PARVB: variants seen among roughly 807,000 people sequenced by gnomAD.
PARVB encodes the protein parvin beta.
A neutral mutation model predicts 47.0 loss-of-function variants in PARVB; 46 were observed. The ratio of observed to expected loss-of-function variants is 0.98; its 90% CI spans 0.77 to 1.25. The LOEUF (loss-of-function observed/expected upper bound fraction) is 1.25, where lower values mean the gene tolerates loss of function less well. Ranked by LOEUF, PARVB falls within the 50% of genes most tolerant of loss-of-function variation. The pLI, the probability that PARVB is intolerant of heterozygous loss-of-function variation, is 0.00. For missense variants in PARVB, 473 were observed against 471.6 expected, an observed-to-expected ratio of 1.00 and a Z score of -0.03; for synonymous variants, 196 against 196.3, an observed-to-expected ratio of 1.00 and a Z score of 0.01.
chr22:44,121,615 T>G (rs565231719), intron 4 of PARVB, among the ~76,000 whole-genome samples: 4 of 152,102 alleles, frequency 2.6e-5, no homozygotes, highest in Admixed American at 6.5e-5. Flanking sequence ...GATGAATTAT[T>G]TTATGTTCAA....
intron 7 of PARVB, among the ~76,000 whole-genome samples, chr22:44,138,733 G>T (rs1302500236): frequency 6.6e-6 from 1 of 152,154 alleles, no homozygotes; most frequent in Non-Finnish European, 1.5e-5. Flanking sequence ...GGAGTGCTTG[G>T]CTTCCTGTTA....
chr22:44,066,511 A>C (rs1257415066), intron 1 of PARVB, among the ~76,000 whole-genome samples: 1 of 152,106 alleles, frequency 6.6e-6, no homozygotes, highest in East Asian at 1.9e-4. Context: ...CTTTTCTCCC[A>C]CTTTGATAGC....
chr22:44,068,613 C>T lies in PARVB; in HGVS notation c.113-25315C>T, dbSNP rs749181461. Reference sequence around the variant, plus strand: ...GTGTTCCATGTGTTAGCATTTGGTCCTCCTGACGTAGTCGGCACACGGGAG... The same window carrying T: ...GTGTTCCATGTGTTAGCATTTGGTCTTCCTGACGTAGTCGGCACACGGGAG... On this transcript the variant is annotated intron_variant, in intron 1 of 12. Coordinates refer to ENST00000338758, the MANE Select transcript of PARVB (RefSeq NM_013327.5). The surrounding 1 kb of genome is among the most constrained non-coding windows in gnomAD (Gnocchi z 4.1). Among the ~76,000 whole-genome samples the T allele has an allele frequency of 5.3e-5, 8 of 152,222 alleles. No homozygotes were observed. Among genetic ancestry groups the T allele is most frequent in the Non-Finnish European group, 8.8e-5 (6 of 68,034 alleles).
Position 44,024,441 on chromosome 22 carries a change from G to GGCGCGCGAGGGTGAGT in PARVB, c.109_112+12dup. 1 of 1,191,268 alleles carries GGCGCGCGAGGGTGAGT rather than the reference G, an allele frequency of 8.4e-7. No individual in the cohort carries two copies. The highest frequency in any genetic ancestry group is 1.0e-6 in the Non-Finnish European group (1 of 956,254). 73.8% of individuals were successfully genotyped at this position (1,191,268 alleles called of 1,614,324 possible). A position where few individuals can be genotyped will look rare whatever the true frequency, so the allele number is the denominator to read the frequency against. On this transcript the variant is annotated frameshift_variant, in exon 1 of 13. Transcript: ENST00000338758. LOFTEE classifies it high-confidence loss of function. The stretch of plus-strand genomic sequence containing the variant: ...GCGGCACCCTGGCCAGGAAGCGGAG[G>GGCGCGCGAGGGTGAGT]GCGCGCGAGGGTGAGTGCGCGCCCG...
intron 7 of PARVB, among the ~76,000 whole-genome samples, chr22:44,138,259 G>A (rs561121883): frequency 1.3e-5 from 2 of 152,312 alleles, no homozygotes; most frequent in South Asian, 4.1e-4. Flanking sequence ...GGGGCTTGTG[G>A]GAAGTGCCTC....
In PARVB at chr22:44,062,304, C is replaced by T. The variant is rs143768535; in HGVS notation, c.113-31624C>T. Among the ~76,000 whole-genome samples the T allele has an allele frequency of 2.4e-4, 36 of 152,206 alleles. No homozygotes were observed. The East Asian group carries it at 6.2e-3, about 26-fold the overall frequency. On this transcript the variant is annotated intron_variant, in intron 1 of 12. Transcript: ENST00000338758. ...ACTGCACCCCAAATCAGGGTCCCCACGACTGCTTCCTCGGTTTTGATTAAT... is the reference window on the plus strand; with the variant it reads ...ACTGCACCCCAAATCAGGGTCCCCATGACTGCTTCCTCGGTTTTGATTAAT...
chr22:44,112,067 G>A (rs895032024), intron 3 of PARVB: 2 of 152,154 alleles, frequency 1.3e-5, no homozygotes, highest in African/African-American at 4.8e-5. Context: ...GACCAAAAAG[G>A]GTAGTTAGGA....
chr22:44,090,060 A>G (rs2052128199), intron 1 of PARVB, among the ~76,000 whole-genome samples: 5 of 152,158 alleles, frequency 3.3e-5, no homozygotes, highest in Admixed American at 3.3e-4. Flanking sequence ...TGCAGGGAGT[A>G]GTTTGTGGGC....
At chr22:44,132,327 G>A (rs1000625657) in intron 5 of PARVB, among the ~76,000 whole-genome samples, 4 of 152,188 alleles carry the variant, frequency 2.6e-5, no homozygotes, top group African/African-American at 7.2e-5. Flanking sequence ...GTGGGGAATC[G>A]GGTGCCTTGT....
At chr22:44,066,516 G>C (rs1209259709) in intron 1 of PARVB, among the ~76,000 whole-genome samples, 1 of 152,150 alleles carries the variant, frequency 6.6e-6, no homozygotes, top group African/African-American at 2.4e-5. Flanking sequence ...CTCCCACTTT[G>C]ATAGCTTGAA....
chr22:44,003,934 G>A lies in PARVB; in HGVS notation c.211+4261G>A, dbSNP rs551321780. On this transcript the variant is annotated intron_variant, in intron 2 of 13. Coordinates refer to the PARVB transcript ENST00000406477. ...TTCCAAATGACCTGTAGTTGCCGCT[G>A]CTGGGCCTGGCTTCTGCAGGGCTGG... Among the ~76,000 whole-genome samples the A allele has an allele frequency of 3.3e-5, 5 of 152,268 alleles. No individual in the cohort carries two copies. The East Asian group carries it at 7.7e-4, about 24-fold the overall frequency.
intron 2 of PARVB, among the ~76,000 whole-genome samples, chr22:44,099,837 GC>G (rs1188757526): frequency 6.6e-6 from 1 of 152,154 alleles, no homozygotes; most frequent in Non-Finnish European, 1.5e-5. Context: ...GCGAGGCCGG[GC>G]AGAATGATGA....
chr22:44,028,033 G>A (rs1444510356), intron 1 of PARVB, among the ~76,000 whole-genome samples: 1 of 151,440 alleles, frequency 6.6e-6, no homozygotes. Flanking sequence ...AGAATACAAA[G>A]TGTCCCCACC....
intron 6 of PARVB, among the ~76,000 whole-genome samples, chr22:44,133,999 T>C (rs1336744890): frequency 1.3e-5 from 2 of 152,204 alleles, no homozygotes; most frequent in Non-Finnish European, 2.9e-5. Context: ...GGGTGACCAC[T>C]GCGGCCAGAG....
At chr22:44,152,803 C>T (rs1418026605) in intron 10 of PARVB, 1 of 152,188 alleles carries the variant, frequency 6.6e-6, no homozygotes, top group African/African-American at 2.4e-5. Flanking sequence ...GCTCTTGGTA[C>T]AGACATCCCT....
chr22:44,063,928 C>T (rs918009204), intron 1 of PARVB, among the ~76,000 whole-genome samples: 1 of 152,210 alleles, frequency 6.6e-6, no homozygotes, highest in Non-Finnish European at 1.5e-5. Flanking sequence ...CCCCGGCTTC[C>T]CATTCTCGGG....
intron 4 of PARVB, among the ~76,000 whole-genome samples, chr22:44,123,450 A>G (rs2053116131): frequency 1.2e-4 from 18 of 152,086 alleles, no homozygotes; most frequent in Non-Finnish European, 1.5e-5. Context: ...GTCTCACTCC[A>G]TTGGCTGGCC....
At position 44,010,330 on chromosome 22, in the gene PARVB, A is replaced by G. The variant is rs149481585; in HGVS notation, c.211+10657A>G. On this transcript the variant is annotated intron_variant, in intron 2 of 13. Coordinates refer to the PARVB transcript ENST00000406477. ...ATGAATGGCACCACGTCCCACTAAG[A>G]TCACTCTGCCCTTTCCCCTGCCAGG... is the stretch of plus-strand genomic sequence containing the variant. Among the ~76,000 whole-genome samples, 404 of 152,286 alleles carry G rather than the reference A, an allele frequency of 2.7e-3. 2 individuals carry two copies. Among genetic ancestry groups the G allele is most frequent in the Non-Finnish European group, 3.9e-3 (262 of 68,032 alleles).
chr22:44,079,945 G>A (rs550447395), intron 1 of PARVB, among the ~76,000 whole-genome samples: 18 of 152,210 alleles, frequency 1.2e-4, no homozygotes, highest in East Asian at 1.9e-4. Context: ...ACATTGTTCC[G>A]GATTTGCTAA....
Sources: allele counts gnomAD v4.1 joint callset (sites outside exome capture counted in the v4.1 genomes callset), GRCh38; gene constraint gnomAD v4.1.1; non-coding constraint Gnocchi (gnomAD v3.1); transcripts MANE v1.5; gene names NCBI Gene and HGNC (gene_info 2026-07-23, HGNC 2026-07-21).